Variants in CCDC138 observed in about 807,000 individuals in gnomAD.
The protein encoded by CCDC138 is coiled-coil domain-containing protein 138.
CCDC138 carries 66 observed loss-of-function variants against 82.3 expected under a neutral mutation model. That is an observed-to-expected ratio of 0.80 (90% confidence interval 0.66 to 0.98). CCDC138 has a LOEUF of 0.98. Among genes scored for constraint, CCDC138 ranks in the 50% least tolerant of loss-of-function variants. The pLI, the probability that CCDC138 is intolerant of heterozygous loss-of-function variation, is 0.00. For synonymous variants in CCDC138, 297 were observed against 265.4 expected (o/e 1.12, Z -1.16); for missense variants, 816 against 758.9 (o/e 1.08, Z -0.88).
At chr2:108,875,861 A>G (rs1695951889) in intron 14 of CCDC138, among the ~76,000 whole-genome samples, 1 of 152,184 alleles carries the variant, frequency 6.6e-6, no homozygotes, top group African/African-American at 2.4e-5. Flanking sequence ...TTATCTCAAA[A>G]GAAAAAAAAG....
At chr2:108,836,945 T>C (rs972980564) in intron 10 of CCDC138, among the ~76,000 whole-genome samples, 1 of 149,664 alleles carries the variant, frequency 6.7e-6, no homozygotes, top group East Asian at 1.9e-4. Flanking sequence ...TATGTATTCT[T>C]TTTTTTTTTA....
Position 108,794,601 on chromosome 2 carries a change from T to C in CCDC138, c.456T>C (p.Gly152=). The part of the protein sequence containing the change: ...RPRTECCSDA[G]DSPLKPVSCP... ...GGACTGAGTGTTGTAGTGATGCAGG[T>C]GACTCTCCTTTGAAACCTGTCAGCT... The change falls in exon 5 of 15, where the codon GGT becomes GGC. Residue 152 remains glycine (G), a synonymous_variant. Coordinates refer to ENST00000295124, the MANE Select transcript of CCDC138 (RefSeq NM_144978.3). 1 of 1,614,098 alleles carries C rather than the reference T, an allele frequency of 6.2e-7. No homozygotes were observed. Among genetic ancestry groups the C allele is most frequent in the Non-Finnish European group, 8.5e-7 (1 of 1,179,996 alleles).
intron 10 of CCDC138, among the ~76,000 whole-genome samples, chr2:108,831,868 G>T (rs1687742185): frequency 1.3e-5 from 2 of 152,004 alleles, no homozygotes; most frequent in Admixed American, 6.6e-5. Flanking sequence ...GAGTAGCTGG[G>T]ATTGCAGGCA....
At chr2:108,817,581 G>A (rs540478377) in intron 10 of CCDC138, among the ~76,000 whole-genome samples, 59 of 152,264 alleles carry the variant, frequency 3.9e-4, no homozygotes, top group African/African-American at 2.2e-4. Context: ...ATGAGCCACC[G>A]TGCCCAGCCA....
At chr2:108,834,535 C>T (rs1014013518) in intron 10 of CCDC138, among the ~76,000 whole-genome samples, 1 of 152,138 alleles carries the variant, frequency 6.6e-6, no homozygotes, top group Non-Finnish European at 1.5e-5. Flanking sequence ...TTTTTATACA[C>T]TAAGTATTGT....
At chr2:108,865,679 A>G (rs1022330169) in intron 13 of CCDC138, among the ~76,000 whole-genome samples, 18 of 152,176 alleles carry the variant, frequency 1.2e-4, no homozygotes, top group African/African-American at 3.9e-4. Context: ...TTCTGAGACC[A>G]TGGAGACTGA....
At chr2:108,829,566 G>A (rs949466255) in intron 10 of CCDC138, among the ~76,000 whole-genome samples, 1 of 152,120 alleles carries the variant, frequency 6.6e-6, no homozygotes, top group African/African-American at 2.4e-5. Context: ...GCCAACATGG[G>A]GGAACCCCAT....
intron 13 of CCDC138, among the ~76,000 whole-genome samples, chr2:108,869,354 T>A (rs1277069915): frequency 1.3e-5 from 2 of 152,160 alleles, no homozygotes; most frequent in African/African-American, 2.4e-5. Flanking sequence ...ATGGCCCAGT[T>A]CTCCATTCCC....
intron 5 of CCDC138, among the ~76,000 whole-genome samples, chr2:108,797,941 G>GGCCACTTTTCAC (rs1681175603): frequency 6.8e-6 from 1 of 147,850 alleles, no homozygotes; most frequent in Admixed American, 7.1e-5. Context: ...TTCGCAATGG[G>GGCCACTTTTCAC]GCCACTTTTC....
intron 1 of CCDC138, chr2:108,882,263 C>A (rs1468822217): frequency 6.6e-6 from 1 of 152,030 alleles, no homozygotes; most frequent in Non-Finnish European, 1.5e-5. Flanking sequence ...AAAATGTGAG[C>A]TCATGGTTTT....
At chr2:108,881,414 C>T (rs1292702432), downstream of CCDC138, among the ~76,000 whole-genome samples, 2 of 152,218 alleles carry the variant, frequency 1.3e-5, no homozygotes, top group Non-Finnish European at 2.9e-5. Context: ...GTATCAAGAC[C>T]ACTAAAACTT....
intron 6 of CCDC138, among the ~76,000 whole-genome samples, chr2:108,800,227 T>G (rs1051074549): frequency 1.3e-5 from 2 of 152,168 alleles, no homozygotes; most frequent in African/African-American, 4.8e-5. Context: ...TTATTGATTT[T>G]AAAGCATTCA....
chr2:108,883,609 G>A (rs903406823), intron 2 of CCDC138: 6 of 152,240 alleles, frequency 3.9e-5, no homozygotes, highest in Non-Finnish European at 8.8e-5. Flanking sequence ...TCACTGGCTG[G>A]GCTGGAATCT....
At chr2:108,819,885 A>G (rs1685372789) in intron 10 of CCDC138, among the ~76,000 whole-genome samples, 1 of 152,214 alleles carries the variant, frequency 6.6e-6, no homozygotes, top group Admixed American at 6.5e-5. Flanking sequence ...GTGATATATG[A>G]TTTAAAAACT....
rs1357549691 is a variant in CCDC138 at position 108,882,670 on chromosome 2, G to A, written c.44-1G>A. ...CACTTCCCATCCCCTTTCCTTTTCAGGTCATCCTCCATGCCCTTCTGATGT... is the reference window on the plus strand; with the variant it reads ...CACTTCCCATCCCCTTTCCTTTTCAAGTCATCCTCCATGCCCTTCTGATGT... On this transcript the variant is annotated splice_acceptor_variant, in intron 1 of 2. Coordinates refer to the CCDC138 transcript ENST00000608781. LOFTEE classifies it high-confidence loss of function. 1 of 152,074 alleles carries A rather than the reference G, an allele frequency of 6.6e-6. No individual in the cohort carries two copies. The highest frequency in any genetic ancestry group is 2.4e-5 in the African/African-American group (1 of 41,348). The allele number at this position is 152,074 out of a possible 1,614,324, so 9.4% of individuals were successfully genotyped here.
At chr2:108,853,939 TA>T (rs1692050137) in intron 12 of CCDC138, among the ~76,000 whole-genome samples, 1 of 123,722 alleles carries the variant, frequency 8.1e-6, no homozygotes, top group Non-Finnish European at 1.6e-5. Context: ...ATAATTTATA[TA>T]TAATATACAA....
intron 10 of CCDC138, among the ~76,000 whole-genome samples, chr2:108,820,568 C>G (rs759680193): frequency 6.6e-5 from 10 of 151,860 alleles, no homozygotes; most frequent in Non-Finnish European, 1.0e-4. Context: ...AAGTAAAATA[C>G]AAAGAGAATC....
At chr2:108,863,529 T>C (rs1693942524) in intron 13 of CCDC138, among the ~76,000 whole-genome samples, 1 of 152,190 alleles carries the variant, frequency 6.6e-6, no homozygotes, top group South Asian at 2.1e-4. Flanking sequence ...TGGGAAGAGC[T>C]TTGTTGGGCA....
intron 9 of CCDC138, 111 bp from the exon 10 acceptor site, chr2:108,815,830 T>C (rs368752797): frequency 4.5e-6 from 4 of 887,652 alleles, no homozygotes; most frequent in African/African-American, 1.7e-5. Context: ...TAACACATTT[T>C]AGTGAATTAC....
Sources: gnomAD v4.1 joint callset for allele counts (sites outside exome capture counted in the v4.1 genomes callset) on GRCh38, gnomAD v4.1.1 for gene constraint, MANE v1.5 for transcripts, NCBI Gene and HGNC (gene_info 2026-07-23, HGNC 2026-07-21) for gene names.